ARHGAP19: variants seen among roughly 807,000 people sequenced by gnomAD.
ARHGAP19 encodes the protein rho GTPase-activating protein 19.
Under a neutral mutation model 60.9 loss-of-function variants are expected in ARHGAP19, and 48 were observed. The ratio of observed to expected loss-of-function variants is 0.79; its 90% CI spans 0.62 to 1.00. The LOEUF (loss-of-function observed/expected upper bound fraction) is 1.00. ARHGAP19 is among the 50% of genes least tolerant of loss of function. ARHGAP19 has a pLI of 0.00. For missense variants in ARHGAP19, 562 were observed against 597.2 expected, an observed-to-expected ratio of 0.94 and a Z score of 0.61; for synonymous variants, 209 against 215.5, an observed-to-expected ratio of 0.97 and a Z score of 0.27.
At chr10:97,228,959 A>G (rs1850950720) in intron 11 of ARHGAP19, 188 bp downstream of exon 11, 1 of 699,258 alleles carries the variant, frequency 1.4e-6, no homozygotes, top group South Asian at 1.5e-5. Flanking sequence ...CTTAGCACCC[A>G]AGACAATGCT....
intron 7 of ARHGAP19, among the ~76,000 whole-genome samples, chr10:97,244,612 C>T (rs1842536757): frequency 6.6e-6 from 1 of 152,194 alleles, no homozygotes; most frequent in South Asian, 2.1e-4. Context: ...GCTAATACTC[C>T]TTCCCACACA....
chr10:97,261,159 C>T (rs1469389968), intron 4 of ARHGAP19, among the ~76,000 whole-genome samples: 1 of 152,104 alleles, frequency 6.6e-6, no homozygotes, highest in East Asian at 1.9e-4. Context: ...AAACAGTCCC[C>T]TGGATAATGA....
chr10:97,229,903 T>C (rs1317079340), intron 9 of ARHGAP19, 29 bp from the exon 10 acceptor site: 1 of 1,472,724 alleles, frequency 6.8e-7, no homozygotes, highest in East Asian at 2.3e-5. Context: ...ACATTTGATT[T>C]ATAAACACCT....
Position 97,273,635 on chromosome 10 carries a change from A to G in ARHGAP19, c.57-7510T>C, listed in dbSNP as rs187226689. ...TCCTGAGTAGTTGGGATTACAGGTG[A>G]GTGCCATTGTGCCCAGCTAATTTTT... is the stretch of plus-strand genomic sequence containing the variant. On this transcript the variant is annotated intron_variant, in intron 1 of 11. Coordinates refer to ENST00000358531, the MANE Select transcript of ARHGAP19 (RefSeq NM_032900.6). 6.4e-3 allele frequency among the ~76,000 whole-genome samples: 968 copies of G among 151,432 alleles called. 4 individuals are homozygous for G. The highest frequency in any genetic ancestry group is 0.011 in the Non-Finnish European group (767 of 67,842).
intron 11 of ARHGAP19, among the ~76,000 whole-genome samples, chr10:97,227,557 C>T (rs1370567634): frequency 6.6e-6 from 1 of 152,092 alleles, no homozygotes; most frequent in Non-Finnish European, 1.5e-5. Flanking sequence ...GGAAGAAGAA[C>T]GAGAATAATG....
rs1256616401 is a variant in ARHGAP19, at chr10:97,224,310, G to A, written c.*1812C>T. 6.6e-6 allele frequency: 1 copy of A among 152,184 alleles called. No homozygotes were observed. Among genetic ancestry groups the A allele is most frequent in the Non-Finnish European group, 1.5e-5 (1 of 68,032 alleles). The allele number at this position is 152,184 out of a possible 1,614,324, so 9.4% of individuals were successfully genotyped here. The stretch of plus-strand genomic sequence containing the variant: ...CTGTTTGAATTAACTGATATCTGGT[G>A]TAAGGGATTTCATTTTCTTAATAAG... On this transcript the variant is annotated 3_prime_UTR_variant, in exon 12 of 12. Coordinates refer to ENST00000358531, the MANE Select transcript of ARHGAP19 (RefSeq NM_032900.6).
intron 4 of ARHGAP19, 99 bp from the exon 5 acceptor site, chr10:97,259,727 G>A: frequency 4.8e-6 from 4 of 838,110 alleles, no homozygotes; most frequent in Admixed American, 2.1e-5. Flanking sequence ...ATCAAAGAAA[G>A]AGGGAAAAAA....
At chr10:97,243,701 G>A (rs975279384) in intron 8 of ARHGAP19, among the ~76,000 whole-genome samples, 1 of 152,142 alleles carries the variant, frequency 6.6e-6, no homozygotes, top group Non-Finnish European at 1.5e-5. Flanking sequence ...TTTAACTGCT[G>A]GTTATCTCTC....
At chr10:97,288,970 A>G (rs921014270) in intron 1 of ARHGAP19, among the ~76,000 whole-genome samples, 1 of 151,058 alleles carries the variant, frequency 6.6e-6, no homozygotes, top group African/African-American at 2.4e-5. Context: ...GCATGCCACC[A>G]TGCCTGGTTA....
At chr10:97,256,978 G>A (rs908460604) in intron 5 of ARHGAP19, among the ~76,000 whole-genome samples, 11 of 152,092 alleles carry the variant, frequency 7.2e-5, no homozygotes, top group African/African-American at 1.4e-4. Context: ...AAAATTAGCC[G>A]GGCGTGGTGG....
In ARHGAP19 at chr10:97,256,938, A is replaced by G. The variant is rs543888003; in HGVS notation, c.841-534T>C. Among the ~76,000 whole-genome samples the G allele has an allele frequency of 4.0e-4, 61 of 152,188 alleles. No individual in the cohort carries two copies. In the South Asian group the frequency reaches 6.2e-3, roughly 16 times the overall value. ...AGATTGAGACCATCCTGGCTAACAC[A>G]GTGAAACACCGTCTCTACCAAAAAT... On this transcript the variant is annotated intron_variant, in intron 5 of 11. Transcript: ENST00000358531.
At chr10:97,266,810 C>T (rs1482570592) in intron 1 of ARHGAP19, among the ~76,000 whole-genome samples, 1 of 152,020 alleles carries the variant, frequency 6.6e-6, no homozygotes, top group Non-Finnish European at 1.5e-5. Context: ...GACTTATTCA[C>T]GCAGGGAAAA....
intron 8 of ARHGAP19, among the ~76,000 whole-genome samples, chr10:97,237,685 A>G (rs1842403485): frequency 1.3e-5 from 2 of 152,276 alleles, no homozygotes; most frequent in African/African-American, 4.8e-5. Context: ...AGCCTGGCCA[A>G]CAGGGTGAAA....
chr10:97,264,623 T>A (rs1054203136), intron 3 of ARHGAP19, among the ~76,000 whole-genome samples: 3 of 152,188 alleles, frequency 2.0e-5, no homozygotes, highest in Non-Finnish European at 4.4e-5. Context: ...CTAATTTATA[T>A]ACACTTTGAG....
At chr10:97,267,607 G>A (rs947940667) in intron 1 of ARHGAP19, among the ~76,000 whole-genome samples, 2 of 152,144 alleles carry the variant, frequency 1.3e-5, no homozygotes, top group African/African-American at 4.8e-5. Flanking sequence ...CCTCTGCCTT[G>A]AGGCATTTCC....
chr10:97,236,371 T>G (rs1842378159), intron 8 of ARHGAP19, among the ~76,000 whole-genome samples: 1 of 152,122 alleles, frequency 6.6e-6, no homozygotes, highest in African/African-American at 2.4e-5. Flanking sequence ...AAAATTACTT[T>G]TACATAAAAG....
Position 97,229,153 on chromosome 10 carries a change from T to TC in ARHGAP19, c.1467dup (p.Lys490GlufsTer22), listed in dbSNP as rs758732488. On this transcript the variant is annotated frameshift_variant, in exon 11 of 12. Transcript: ENST00000358531. LOFTEE classifies it high-confidence loss of function. Reference sequence around the variant, plus strand: ...GAGTAAGTACAATTAGTACCTTTTTTCCCCTCTTTCTTCCCTTCAGACCAC... The same window carrying TC: ...GAGTAAGTACAATTAGTACCTTTTTTCCCCCTCTTTCTTCCCTTCAGACCAC... 40 of 1,613,532 alleles carry TC rather than the reference T, an allele frequency of 2.5e-5. 1 individual carries two copies. In the Middle Eastern group the frequency reaches 1.2e-3, roughly 46 times the overall value.
chr10:97,238,470 G>A (rs983118540), intron 8 of ARHGAP19, among the ~76,000 whole-genome samples: 6 of 152,088 alleles, frequency 3.9e-5, no homozygotes, highest in Admixed American at 2.6e-4. Flanking sequence ...CTCCCACTTT[G>A]GCCTCCCAAA....
chr10:97,228,712 A>C (rs793515), intron 11 of ARHGAP19, among the ~76,000 whole-genome samples: 36,866 of 152,128 alleles, frequency 0.24, 4,864 homozygotes, highest in Non-Finnish European at 0.3. Context: ...TATGACTTCC[A>C]GGATCCTTAG....
Sources: gnomAD v4.1 joint callset for allele counts (sites outside exome capture counted in the v4.1 genomes callset) on GRCh38, gnomAD v4.1.1 for gene constraint, MANE v1.5 for transcripts, NCBI Gene and HGNC (gene_info 2026-07-23, HGNC 2026-07-21) for gene names.